Variants in PTBP3 observed in about 807,000 individuals in gnomAD.
PTBP3 encodes polypyrimidine tract binding protein 3.
Under a neutral mutation model 58.7 loss-of-function variants are expected in PTBP3, and 20 were observed. The ratio of observed to expected loss-of-function variants is 0.34; its 90% CI spans 0.24 to 0.50. The LOEUF (loss-of-function observed/expected upper bound fraction) is 0.50, where lower values mean the gene tolerates loss of function less well. Among genes scored for constraint, PTBP3 ranks in the 20% least tolerant of loss-of-function variants. PTBP3 has a pLI of 0.98. For missense variants in PTBP3, 509 were observed against 637.2 expected (o/e 0.80, Z 2.17); for synonymous variants, 185 against 219.8 (o/e 0.84, Z 1.40).
intron 5 of PTBP3, among the ~76,000 whole-genome samples, chr9:112,253,359 AG>A (rs540224473): frequency 6.8e-4 from 103 of 152,330 alleles, no homozygotes; most frequent in Admixed American, 2.9e-3. Flanking sequence ...CCAGAATGCA[AG>A]ATGAGACAGT....
At chr9:112,264,489 C>A (rs1353502847) in intron 4 of PTBP3, among the ~76,000 whole-genome samples, 1 of 152,144 alleles carries the variant, frequency 6.6e-6, no homozygotes, top group Non-Finnish European at 1.5e-5. Flanking sequence ...CTGGCAAGTA[C>A]AATCATAAAC....
intron 7 of PTBP3, among the ~76,000 whole-genome samples, chr9:112,236,756 T>C (rs1328738760): frequency 6.6e-6 from 1 of 152,138 alleles, no homozygotes; most frequent in Non-Finnish European, 1.5e-5. Context: ...CATGTTCACA[T>C]GTTACTTCTA....
chr9:112,333,150 T>G (rs1830448940), intron 1 of PTBP3: 1 of 1,227,982 alleles, frequency 8.1e-7, no homozygotes, highest in Non-Finnish European at 1.0e-6. Flanking sequence ...CTCCCCGGAC[T>G]CGGGGCGCGG....
chr9:112,227,788 A>G (rs528437005), intron 11 of PTBP3, among the ~76,000 whole-genome samples, 161 bp from the exon 12 acceptor site: 1 of 152,318 alleles, frequency 6.6e-6, no homozygotes, highest in South Asian at 2.1e-4. Flanking sequence ...TCAAGGAAAT[A>G]TATTAAATGA....
chr9:112,261,902 A>G (rs1425679324), intron 5 of PTBP3, among the ~76,000 whole-genome samples: 2 of 152,226 alleles, frequency 1.3e-5, no homozygotes, highest in Non-Finnish European at 2.9e-5. Flanking sequence ...GTAACCTTCA[A>G]TTCTTAAATT....
intron 1 of PTBP3, among the ~76,000 whole-genome samples, chr9:112,308,047 G>A (rs1244589948): frequency 6.6e-6 from 1 of 152,202 alleles, no homozygotes; most frequent in Non-Finnish European, 1.5e-5. Flanking sequence ...GGGAAGCCCT[G>A]CTTTAAACAT....
At chr9:112,272,753 T>C (rs1167373166) in intron 3 of PTBP3, 2 of 152,144 alleles carry the variant, frequency 1.3e-5, no homozygotes, top group Non-Finnish European at 2.9e-5. Context: ...TTAGTGTGGA[T>C]ACCAGATCGG....
chr9:112,329,895 G>A (rs982353578), intron 1 of PTBP3, among the ~76,000 whole-genome samples: 18 of 147,120 alleles, frequency 1.2e-4, no homozygotes, highest in African/African-American at 2.0e-4. Context: ...TGTCCAGGCT[G>A]GAGTGCAGTG....
chr9:112,270,247 A>G (rs1415909118), intron 3 of PTBP3, among the ~76,000 whole-genome samples: 4 of 152,128 alleles, frequency 2.6e-5, no homozygotes, highest in African/African-American at 9.7e-5. Context: ...TCCGTACTCA[A>G]TGTTTCAAAT....
At chr9:112,292,614 C>T (rs1019417056) in intron 2 of PTBP3, among the ~76,000 whole-genome samples, 3 of 152,124 alleles carry the variant, frequency 2.0e-5, no homozygotes, top group Non-Finnish European at 4.4e-5. Flanking sequence ...GGAAACCCTT[C>T]CATTTGCTGC....
chr9:112,290,497 C>A (rs1828344773), intron 2 of PTBP3, among the ~76,000 whole-genome samples: 2 of 151,608 alleles, frequency 1.3e-5, no homozygotes, highest in African/African-American at 2.4e-5. Context: ...CATGGTAAAA[C>A]CCTGTCTCTA....
the PTBP3 span, among the ~76,000 whole-genome samples, chr9:112,369,898 C>T: frequency 6.6e-6 from 1 of 152,060 alleles, no homozygotes; most frequent in East Asian, 1.9e-4. Flanking sequence ...GGCCAGTTTT[C>T]CCATGCTTTT....
chr9:112,266,592 T>C (rs1015524804), intron 4 of PTBP3, among the ~76,000 whole-genome samples: 1 of 152,174 alleles, frequency 6.6e-6, no homozygotes, highest in African/African-American at 2.4e-5. Context: ...TCAGTGTATA[T>C]CAAAAAGAAA....
chr9:112,275,377 C>T (rs988229653), intron 3 of PTBP3, among the ~76,000 whole-genome samples: 39 of 152,034 alleles, frequency 2.6e-4, no homozygotes, highest in Non-Finnish European at 4.9e-4. Flanking sequence ...TCAGGTGATC[C>T]GCCCACCTCG....
At chr9:112,244,124 A>T (rs1449934302) in intron 7 of PTBP3, among the ~76,000 whole-genome samples, 1 of 151,332 alleles carries the variant, frequency 6.6e-6, no homozygotes, top group Non-Finnish European at 1.5e-5. Flanking sequence ...AGACGATGAA[A>T]CCCCATCTCT....
intron 1 of PTBP3, among the ~76,000 whole-genome samples, chr9:112,309,687 C>G (rs1829394128): frequency 6.6e-6 from 1 of 151,724 alleles, no homozygotes; most frequent in Admixed American, 6.6e-5. Flanking sequence ...ACTCGAGTAG[C>G]TGAGGCAGGG....
chr9:112,251,567 C>T (rs1412704582), intron 6 of PTBP3, among the ~76,000 whole-genome samples: 1 of 152,058 alleles, frequency 6.6e-6, no homozygotes, highest in Non-Finnish European at 1.5e-5. Context: ...GTCAGAGCCA[C>T]AATACATAAA....
chr9:112,350,895 T>A, the PTBP3 span, among the ~76,000 whole-genome samples: 1 of 152,150 alleles, frequency 6.6e-6, no homozygotes, highest in Non-Finnish European at 1.5e-5. Flanking sequence ...GCCTCCTTGG[T>A]TCAAGTGATT....
intron 7 of PTBP3, among the ~76,000 whole-genome samples, chr9:112,243,920 C>G (rs1835762769): frequency 6.6e-6 from 1 of 152,106 alleles, no homozygotes; most frequent in African/African-American, 2.4e-5. Flanking sequence ...TTACACAGCT[C>G]ATAAATAATA....
Sources: allele counts gnomAD v4.1 joint callset (sites outside exome capture counted in the v4.1 genomes callset), GRCh38; gene constraint gnomAD v4.1.1; transcripts MANE v1.5; gene names NCBI Gene and HGNC (gene_info 2026-07-23, HGNC 2026-07-21).